Variants in MYLK3 observed in about 807,000 individuals in gnomAD.
MYLK3 encodes the protein MLC kinase.
In MYLK3, 55 loss-of-function variants were observed where a neutral mutation model predicts 76.3. The observed-to-expected ratio is 0.72, with a 90% CI of 0.58 to 0.90. The LOEUF is 0.90. Among genes scored for constraint, MYLK3 ranks in the 40% least tolerant of loss-of-function variants. The pLI is 0.00. For synonymous variants in MYLK3, 416 were observed against 425.4 expected (o/e 0.98, Z 0.27); for missense variants, 973 against 1,053.6 (o/e 0.92, Z 1.06).
At chr16:46,723,496 TA>T (rs1412457153) in intron 8 of MYLK3, among the ~76,000 whole-genome samples, 2 of 152,216 alleles carry the variant, frequency 1.3e-5, no homozygotes, top group South Asian at 4.1e-4. Context: ...TTAATTCTCT[TA>T]GGGGTATAGC....
At chr16:46,741,140 C>T (rs1447905820) in intron 1 of MYLK3, among the ~76,000 whole-genome samples, 2 of 152,238 alleles carry the variant, frequency 1.3e-5, no homozygotes, top group Admixed American at 6.5e-5. Flanking sequence ...CTTTCCTCAT[C>T]TGTAAAATGG....
chr16:46,725,821 A>C (rs933031861), intron 8 of MYLK3: 1 of 152,210 alleles, frequency 6.6e-6, no homozygotes, highest in Admixed American at 6.5e-5. Flanking sequence ...TTTTTGGAAG[A>C]ATTTGTAAAG....
At chr16:46,718,830 G>T (rs1172517473) in intron 9 of MYLK3, among the ~76,000 whole-genome samples, 1 of 151,948 alleles carries the variant, frequency 6.6e-6, no homozygotes, top group East Asian at 1.9e-4. Flanking sequence ...GCCAGGCGTG[G>T]TGGCAGGCGC....
At chr16:46,720,800 C>G (rs946090831) in intron 9 of MYLK3, among the ~76,000 whole-genome samples, 1 of 152,162 alleles carries the variant, frequency 6.6e-6, no homozygotes, top group Admixed American at 6.5e-5. Flanking sequence ...CCCAGGATGC[C>G]TGGGGAACCC....
In MYLK3 at chr16:46,757,303, T is replaced by G. The variant is rs955167967; in HGVS notation, c.-114+5737A>C. 105 of 905,442 alleles carry G rather than the reference T, an allele frequency of 1.2e-4. 1 individual carries two copies. The highest frequency in any genetic ancestry group is 1.3e-4 in the Non-Finnish European group (102 of 756,780). The allele number at this position is 905,442 out of a possible 1,614,324, so 56.1% of individuals were successfully genotyped here. On this transcript the variant is annotated intron_variant, in intron 1 of 11. Transcript: ENST00000536476. ...AACCAAAGCTTTCTGCTGACTTTCTTGGCGCAAGAGAACCCAGGACCGGGG... is the reference window on the plus strand; with the variant it reads ...AACCAAAGCTTTCTGCTGACTTTCTGGGCGCAAGAGAACCCAGGACCGGGG...
intron 9 of MYLK3, among the ~76,000 whole-genome samples, chr16:46,715,516 C>G (rs567002033): frequency 6.6e-6 from 1 of 152,284 alleles, no homozygotes; most frequent in Admixed American, 6.5e-5. Context: ...TCACAGGGCT[C>G]GGGGAAGGCA....
intron 6 of MYLK3, among the ~76,000 whole-genome samples, chr16:46,729,381 G>A (rs1185503327): frequency 2.0e-5 from 3 of 152,126 alleles, no homozygotes; most frequent in African/African-American, 7.2e-5. Context: ...GGCCCCACAG[G>A]CAGCTCTACA....
chr16:46,712,888 G>T lies in MYLK3; in HGVS notation c.1986-112C>A, dbSNP rs1475573261. On this transcript the variant is annotated intron_variant, in intron 9 of 12. Coordinates refer to ENST00000394809, the MANE Select transcript of MYLK3 (RefSeq NM_182493.3). ...TTCCCCACTTCCCATCAGCCATATG[G>T]CCTGGACTCCACACCCACATTACAC... 7 of 1,090,034 alleles carry T rather than the reference G, an allele frequency of 6.4e-6. No individual in the cohort carries two copies. The South Asian group carries it at 1.1e-4, about 17-fold the overall frequency. The allele number at this position is 1,090,034 out of a possible 1,614,324, so 67.5% of individuals were successfully genotyped here. A position where few individuals can be genotyped will look rare whatever the true frequency, so the allele number is the denominator to read the frequency against.
At chr16:46,762,490 C>A (rs1220733956) in intron 1 of MYLK3, among the ~76,000 whole-genome samples, 1 of 152,210 alleles carries the variant, frequency 6.6e-6, no homozygotes, top group African/African-American at 2.4e-5. Context: ...AGGACCCCAG[C>A]TGACGGAAAA....
intron 12 of MYLK3, among the ~76,000 whole-genome samples, chr16:46,708,524 G>A (rs994618632): frequency 2.6e-5 from 4 of 151,988 alleles, no homozygotes; most frequent in African/African-American, 7.3e-5. Context: ...GCGTGATCAC[G>A]GCTCACTGCA....
intron 9 of MYLK3, 31 bp downstream of exon 9, chr16:46,721,092 T>C (rs371445615): frequency 1.9e-6 from 3 of 1,597,796 alleles, no homozygotes; most frequent in Non-Finnish European, 2.6e-6. Context: ...CCAAGGAATT[T>C]TGTTAAGGTA....
chr16:46,725,218 C>T (rs573655381), intron 8 of MYLK3, among the ~76,000 whole-genome samples: 87 of 152,240 alleles, frequency 5.7e-4, no homozygotes, highest in Admixed American at 1.9e-3. Context: ...TATACAAGAG[C>T]GTGTCATTTG....
At chr16:46,737,440 G>C (rs1420413940) in intron 3 of MYLK3, among the ~76,000 whole-genome samples, 1 of 152,158 alleles carries the variant, frequency 6.6e-6, no homozygotes, top group Non-Finnish European at 1.5e-5. Flanking sequence ...ATGTAAAAAA[G>C]AAAAATCTAA....
At chr16:46,755,682 G>T (rs1435332710) in intron 1 of MYLK3, among the ~76,000 whole-genome samples, 4 of 152,084 alleles carry the variant, frequency 2.6e-5, no homozygotes, top group African/African-American at 9.7e-5. Flanking sequence ...ATGGGCCATT[G>T]TTCACTTAAC....
At chr16:46,722,319 CA>C (rs1966807604) in intron 8 of MYLK3, among the ~76,000 whole-genome samples, 1 of 152,166 alleles carries the variant, frequency 6.6e-6, no homozygotes. Flanking sequence ...TCAATGTCTC[CA>C]TACGTAAAAC....
At chr16:46,748,447 C>T, upstream of MYLK3, 1 of 530,188 alleles carries the variant, frequency 1.9e-6, no homozygotes, top group Non-Finnish European at 3.2e-6. The surrounding 1 kb of genome is among the most constrained non-coding windows in gnomAD (Gnocchi z 4.3). Context: ...AGGCCCTTCT[C>T]CTTGGGGCCC....
At chr16:46,712,864 T>G in intron 9 of MYLK3, 88 bp from the exon 10 acceptor site, 1 of 1,316,152 alleles carries the variant, frequency 7.6e-7, no homozygotes, top group Admixed American at 2.8e-5. Context: ...ATGCAGACAT[T>G]CCCCACTTCC....
chr16:46,747,199 C>T (rs1027826103), intron 1 of MYLK3, among the ~76,000 whole-genome samples: 9 of 152,202 alleles, frequency 5.9e-5, no homozygotes, highest in Admixed American at 1.3e-4. Context: ...CCCCAGGCTC[C>T]GGCTCCTGCC....
At chr16:46,736,586 A>T (rs1440094726) in intron 3 of MYLK3, among the ~76,000 whole-genome samples, 1 of 152,026 alleles carries the variant, frequency 6.6e-6, no homozygotes, top group Non-Finnish European at 1.5e-5. Context: ...CCTGGTTCCG[A>T]TCCCGGGATG....
Sources: allele counts gnomAD v4.1 joint callset (sites outside exome capture counted in the v4.1 genomes callset), GRCh38; gene constraint gnomAD v4.1.1; non-coding constraint Gnocchi (gnomAD v3.1); transcripts MANE v1.5; gene names NCBI Gene and HGNC (gene_info 2026-07-23, HGNC 2026-07-21).